Variants in MAPRE2 observed in about 807,000 individuals in gnomAD.
MAPRE2 encodes the protein microtubule-associated protein RP/EB family member 2.
A neutral mutation model predicts 43.2 loss-of-function variants in MAPRE2; 13 were observed. The ratio of observed to expected loss-of-function variants is 0.30; its 90% CI spans 0.20 to 0.48. The LOEUF is 0.48. MAPRE2 is among the 20% of genes least tolerant of loss of function. The pLI is 0.99. For synonymous variants in MAPRE2, 135 were observed against 148.8 expected (o/e 0.91, Z 0.68); for missense variants, 161 against 400.2 (o/e 0.40, Z 5.10).
chr18:35,103,646 A>C (rs904543421), intron 4 of MAPRE2, among the ~76,000 whole-genome samples: 2 of 152,162 alleles, frequency 1.3e-5, no homozygotes, highest in Non-Finnish European at 2.9e-5. Context: ...TAAAGGGTAG[A>C]GTGTCTTGAG....
intron 1 of MAPRE2, among the ~76,000 whole-genome samples, chr18:34,986,261 C>A (rs1378552553): frequency 1.3e-5 from 2 of 152,096 alleles, no homozygotes; most frequent in South Asian, 2.1e-4. Flanking sequence ...GATGACAGGG[C>A]CTGAAACCAC....
intron 1 of MAPRE2, among the ~76,000 whole-genome samples, chr18:35,058,456 A>G (rs545882767): frequency 3.6e-4 from 55 of 152,318 alleles, no homozygotes; most frequent in African/African-American, 1.1e-3. Context: ...CAAGATACCA[A>G]TCTGAAGTCT....
chr18:35,060,347 C>T (rs931571670), intron 1 of MAPRE2, among the ~76,000 whole-genome samples: 1 of 152,058 alleles, frequency 6.6e-6, no homozygotes, highest in African/African-American at 2.4e-5. Flanking sequence ...CCAGCCAAGC[C>T]CTGTGGCATG....
intron 1 of MAPRE2, among the ~76,000 whole-genome samples, chr18:34,982,542 T>C (rs949473423): frequency 2.0e-5 from 3 of 152,226 alleles, no homozygotes; most frequent in Non-Finnish European, 4.4e-5. Context: ...CTCTTTAATC[T>C]GAGATAAGAA....
chr18:35,116,509 A>G (rs181537022), intron 4 of MAPRE2, among the ~76,000 whole-genome samples: 5 of 152,288 alleles, frequency 3.3e-5, no homozygotes, highest in Admixed American at 3.3e-4. Context: ...TGGTGGTCTC[A>G]TGAAAGGCTC....
chr18:35,045,586 C>T (rs192012047), intron 1 of MAPRE2, among the ~76,000 whole-genome samples: 1 of 152,190 alleles, frequency 6.6e-6, no homozygotes, highest in East Asian at 1.9e-4. Context: ...AGAGAAATAT[C>T]GTAATATTGT....
At chr18:35,005,938 T>C (rs1402888195) in intron 2 of MAPRE2, among the ~76,000 whole-genome samples, 2 of 152,162 alleles carry the variant, frequency 1.3e-5, no homozygotes, top group Non-Finnish European at 2.9e-5. Context: ...CTCTGTTGGC[T>C]TTGAGAGGCA....
rs148445103 is a variant in MAPRE2 at position 35,068,581 on chromosome 18, C to T, written c.123-1614C>T. On this transcript the variant is annotated intron_variant, in intron 1 of 6. Transcript: ENST00000300249. ...ATGTTTGGAGAATATTAGGGAACTACTCATCACTTTGAAAACTGGCAAATA... is the reference window on the plus strand; with the variant it reads ...ATGTTTGGAGAATATTAGGGAACTATTCATCACTTTGAAAACTGGCAAATA... Among the ~76,000 whole-genome samples the T allele has an allele frequency of 1.1e-3, 167 of 152,328 alleles. 2 individuals are homozygous for T. The highest frequency in any genetic ancestry group is 3.0e-3 in the African/African-American group (124 of 41,568).
At chr18:35,036,952 G>A (rs1037979295), upstream of MAPRE2, among the ~76,000 whole-genome samples, 1 of 152,146 alleles carries the variant, frequency 6.6e-6, no homozygotes, top group Admixed American at 6.5e-5. Flanking sequence ...AAAGAAAAAG[G>A]TTACTATTAT....
At position 35,095,402 on chromosome 18, in the gene MAPRE2, G is replaced by GCACACACA. The variant is rs1190479436; in HGVS notation, c.251-2040_251-2033dup. On this transcript the variant is annotated intron_variant, in intron 2 of 6. Transcript: ENST00000300249. ...CACACACACACACACACACACACAC[G>GCACACACA]CACACACACACTCCTTTCCAAAGAG... 4.7e-3 allele frequency among the ~76,000 whole-genome samples: 443 copies of GCACACACA among 93,836 alleles called. 8 individuals carry two copies. The East Asian group carries it at 0.058, about 12-fold the overall frequency. 61.6% of individuals were successfully genotyped at this position (93,836 alleles called of 152,430 possible). A position where few individuals can be genotyped will look rare whatever the true frequency, so the allele number is the denominator to read the frequency against.
intron 1 of MAPRE2, among the ~76,000 whole-genome samples, chr18:35,042,809 C>G (rs1361016653): frequency 6.6e-6 from 1 of 152,050 alleles, no homozygotes; most frequent in Non-Finnish European, 1.5e-5. Context: ...TCTAAACATT[C>G]AGATGGTATT....
At chr18:35,052,182 C>T (rs987593095) in intron 1 of MAPRE2, among the ~76,000 whole-genome samples, 10 of 152,180 alleles carry the variant, frequency 6.6e-5, no homozygotes, top group African/African-American at 2.4e-4. Flanking sequence ...AGTCAAGATG[C>T]AGAACATTTC....
chr18:34,999,483 C>T (rs2097028267), intron 1 of MAPRE2, among the ~76,000 whole-genome samples: 1 of 152,116 alleles, frequency 6.6e-6, no homozygotes, highest in Non-Finnish European at 1.5e-5. Flanking sequence ...GAAGAAAGGG[C>T]TAGGCTACAT....
chr18:35,007,804 C>T (rs770002523), intron 2 of MAPRE2, among the ~76,000 whole-genome samples: 7 of 142,118 alleles, frequency 4.9e-5, no homozygotes, highest in South Asian at 4.7e-4. Context: ...TTGAACTGCA[C>T]GGGCTTACTT....
chr18:35,136,693 G>A (rs1288635576), intron 6 of MAPRE2, among the ~76,000 whole-genome samples: 2 of 152,170 alleles, frequency 1.3e-5, no homozygotes, highest in Admixed American at 1.3e-4. Flanking sequence ...GCTGCAGGGT[G>A]GTGCCTTCCA....
At position 35,078,820 on chromosome 18, in the gene MAPRE2, G is replaced by A. The variant is rs552512420; in HGVS notation, c.250+8498G>A. Among the ~76,000 whole-genome samples, 11 of 152,252 alleles carry A rather than the reference G, an allele frequency of 7.2e-5. No homozygotes were observed. In the South Asian group the frequency reaches 2.3e-3, roughly 32 times the overall value. ...TCTGGTAATTCTACTAATGACAAGGGTGTGTCCCAATGGTATCATCATCAA... is the reference window on the plus strand; with the variant it reads ...TCTGGTAATTCTACTAATGACAAGGATGTGTCCCAATGGTATCATCATCAA... On this transcript the variant is annotated intron_variant, in intron 2 of 6. Coordinates refer to ENST00000300249, the MANE Select transcript of MAPRE2 (RefSeq NM_014268.4).
At chr18:34,978,640 G>C (rs1433296943) in intron 1 of MAPRE2, 2 of 1,022,874 alleles carry the variant, frequency 2.0e-6, no homozygotes, top group Non-Finnish European at 3.0e-6. Flanking sequence ...TGGTTAGCCA[G>C]TGTCCCCTCT....
At chr18:35,132,497 A>C (rs1011620655) in intron 6 of MAPRE2, among the ~76,000 whole-genome samples, 1 of 152,254 alleles carries the variant, frequency 6.6e-6, no homozygotes, top group African/African-American at 2.4e-5. Flanking sequence ...AATGAGCATT[A>C]AGAATTTGTA....
intron 2 of MAPRE2, among the ~76,000 whole-genome samples, chr18:35,015,633 AGTGTGTGTGTGTGTGTGTGTGT>A (rs3082290): frequency 3.7e-5 from 5 of 134,794 alleles, no homozygotes; most frequent in Admixed American, 1.5e-4. Flanking sequence ...TAGGGATGGC[AGTGTGTGTGTGTGTGTGTGTGT>A]GTGTGTGTGT....
Sources: gnomAD v4.1 joint callset for allele counts (sites outside exome capture counted in the v4.1 genomes callset) on GRCh38, gnomAD v4.1.1 for gene constraint, MANE v1.5 for transcripts, NCBI Gene and HGNC (gene_info 2026-07-23, HGNC 2026-07-21) for gene names.